The following GSE1 variants were observed in gnomAD, a reference collection of about 807,000 sequenced individuals.
GSE1 encodes the protein Gse1 coiled-coil protein.
A neutral mutation model predicts 112.6 loss-of-function variants in GSE1; 32 were observed. The observed-to-expected ratio is 0.28, with a 90% confidence interval of 0.21 to 0.38. GSE1 has a LOEUF of 0.38. Among genes scored for constraint, GSE1 ranks in the 10% least tolerant of loss-of-function variants. GSE1 has a pLI of 1.00. For synonymous variants in GSE1, 1,115 were observed against 735.6 expected, an observed-to-expected ratio of 1.52 and a Z score of -8.35; for missense variants, 2,348 against 1,699.2, an observed-to-expected ratio of 1.38 and a Z score of -6.71.
intron 5 of GSE1, 57 bp from the exon 6 acceptor site, chr16:85,655,669 G>C (rs1017524359): frequency 1.6e-6 from 2 of 1,217,752 alleles, no homozygotes; most frequent in African/African-American, 1.5e-5. Context: ...CCTGTCGACA[G>C]GGCTGGGTCT....
chr16:85,569,729 G>C (rs1482146168), intron 1 of GSE1, among the ~76,000 whole-genome samples: 1 of 152,212 alleles, frequency 6.6e-6, no homozygotes, highest in Admixed American at 6.5e-5. Flanking sequence ...TGTTTTCCCT[G>C]CTTCTCAGGA....
At chr16:85,613,076 G>T (rs530845511), upstream of GSE1, 1 of 569,316 alleles carries the variant, frequency 1.8e-6, no homozygotes, top group Admixed American at 4.8e-5. Context: ...GTGCCTGGGC[G>T]GGTGGATCCG....
At chr16:85,653,388 G>A (rs1050524813) in intron 3 of GSE1, among the ~76,000 whole-genome samples, 3 of 143,334 alleles carry the variant, frequency 2.1e-5, no homozygotes, top group Non-Finnish European at 4.6e-5. Context: ...TCTCCGGGCT[G>A]GACCCTGCGT....
intron 2 of GSE1, among the ~76,000 whole-genome samples, chr16:85,378,358 C>T (rs1281981037): frequency 6.6e-6 from 1 of 152,186 alleles, no homozygotes; most frequent in Admixed American, 6.5e-5. Flanking sequence ...GGGGCAGTCT[C>T]CTCTCTGTGC....
chr16:85,206,325 G>A (rs565809982), intron 1 of GSE1, among the ~76,000 whole-genome samples: 2 of 152,300 alleles, frequency 1.3e-5, no homozygotes, highest in South Asian at 4.1e-4. Context: ...GTGGGGGCAC[G>A]GTGGAAGGGT....
At chr16:85,479,426 C>CA in intron 2 of GSE1, among the ~76,000 whole-genome samples, 1 of 152,024 alleles carries the variant, frequency 6.6e-6, no homozygotes, top group Non-Finnish European at 1.5e-5. Flanking sequence ...GTCTCAGCCT[C>CA]CCAAAGTGCC....
chr16:85,218,787 G>T (rs2075344288), intron 1 of GSE1, among the ~76,000 whole-genome samples: 1 of 152,218 alleles, frequency 6.6e-6, no homozygotes, highest in Non-Finnish European at 1.5e-5. Flanking sequence ...CTTCCAGCGT[G>T]CAGTAGCCAG....
intron 1 of GSE1, among the ~76,000 whole-genome samples, chr16:85,630,527 G>T (rs1006251400): frequency 2.0e-5 from 3 of 152,148 alleles, no homozygotes; most frequent in African/African-American, 7.2e-5. Flanking sequence ...ATGCTGCCCA[G>T]GCTGGTTTTG....
chr16:85,644,335 T>G (rs1598536336), intron 2 of GSE1, among the ~76,000 whole-genome samples: 1 of 131,504 alleles, frequency 7.6e-6, no homozygotes, highest in Non-Finnish European at 1.6e-5. Flanking sequence ...CAGAGTGAGA[T>G]CCTGTCTCAA....
At chr16:85,621,692 G>C (rs1025378565) in intron 1 of GSE1, among the ~76,000 whole-genome samples, 2 of 152,190 alleles carry the variant, frequency 1.3e-5, no homozygotes, top group Non-Finnish European at 2.9e-5. Context: ...TTGGATGCTG[G>C]AGCTGGGGTT....
At chr16:85,308,135 A>G (rs1240138354) in intron 1 of GSE1, among the ~76,000 whole-genome samples, 2 of 152,126 alleles carry the variant, frequency 1.3e-5, no homozygotes, top group African/African-American at 2.4e-5. Flanking sequence ...AAGTGTCTGC[A>G]TTTCGGTTTC....
upstream of GSE1, chr16:85,555,196 C>T: frequency 1.0e-6 from 1 of 985,414 alleles, no homozygotes; most frequent in Non-Finnish European, 1.2e-6. Context: ...AGGCAGCCAG[C>T]TTTCCAATTT....
intron 2 of GSE1, among the ~76,000 whole-genome samples, chr16:85,507,944 C>T (rs766720427): frequency 2.0e-4 from 31 of 152,252 alleles, no homozygotes; most frequent in Admixed American, 1.4e-3. Flanking sequence ...ATGTAATGGG[C>T]CCCTGCATGA....
intron 2 of GSE1, among the ~76,000 whole-genome samples, chr16:85,399,681 C>T (rs1245204300): frequency 1.3e-5 from 2 of 152,232 alleles, no homozygotes; most frequent in Non-Finnish European, 2.9e-5. Flanking sequence ...GTGCCAATCA[C>T]TGCCGTAGGC....
chr16:85,359,562 C>T (rs1011516232), intron 2 of GSE1: 27 of 364,406 alleles, frequency 7.4e-5, no homozygotes, highest in African/African-American at 4.0e-4. Flanking sequence ...GTGGCAACCT[C>T]GTGAGCTGAT....
At chr16:85,328,014 A>C (rs2046261180) in intron 1 of GSE1, among the ~76,000 whole-genome samples, 1 of 152,204 alleles carries the variant, frequency 6.6e-6, no homozygotes, top group Admixed American at 6.5e-5. Context: ...GCTGTGGTCA[A>C]GTGGACCCCC....
chr16:85,346,507 G>A (rs1011892803), intron 1 of GSE1, among the ~76,000 whole-genome samples: 3 of 148,020 alleles, frequency 2.0e-5, no homozygotes, highest in Non-Finnish European at 4.5e-5. Context: ...AGATAGATGG[G>A]TGATGGATGG....
intron 1 of GSE1, among the ~76,000 whole-genome samples, chr16:85,190,666 G>T (rs1447300017): frequency 6.6e-6 from 1 of 152,276 alleles, no homozygotes; most frequent in Non-Finnish European, 1.5e-5. Context: ...CCTGTCAGAG[G>T]CTGAGGCAGA....
At chr16:85,582,913 TAA>T (rs2046513652) in intron 1 of GSE1, among the ~76,000 whole-genome samples, 1 of 152,282 alleles carries the variant, frequency 6.6e-6, no homozygotes, top group South Asian at 2.1e-4. Flanking sequence ...AGATTAAATA[TAA>T]GTGAGTTTTA....
Sources: allele counts gnomAD v4.1 joint callset (sites outside exome capture counted in the v4.1 genomes callset), GRCh38; gene constraint gnomAD v4.1.1; transcripts MANE v1.5; gene names NCBI Gene and HGNC (gene_info 2026-07-23, HGNC 2026-07-21).